Variants in SPIDR observed in about 807,000 individuals in gnomAD.
SPIDR encodes the protein DNA repair-scaffolding protein.
Under a neutral mutation model 104.6 loss-of-function variants are expected in SPIDR, and 93 were observed. That is an observed-to-expected ratio of 0.89 (90% CI 0.75 to 1.06). SPIDR has a LOEUF of 1.06. Ranked by LOEUF, SPIDR falls within the 50% of genes least tolerant of loss-of-function variation. SPIDR has a pLI of 0.00. For synonymous variants in SPIDR, 431 were observed against 416.9 expected (o/e 1.03, Z -0.41); for missense variants, 1,154 against 1,111.2 (o/e 1.04, Z -0.55).
intron 7 of SPIDR, among the ~76,000 whole-genome samples, chr8:47,418,920 T>G (rs1588454310): frequency 1.3e-5 from 2 of 152,212 alleles, no homozygotes; most frequent in African/African-American, 4.8e-5. Context: ...TGGGTTACGT[T>G]TATTGATTTG....
chr8:47,465,698 T>G (rs2074650296), intron 8 of SPIDR, among the ~76,000 whole-genome samples: 1 of 152,084 alleles, frequency 6.6e-6, no homozygotes, highest in Admixed American at 6.6e-5. Flanking sequence ...ATCACACCAC[T>G]GCACTCCTGC....
Position 47,293,932 on chromosome 8 carries a change from T to A in SPIDR, c.427T>A (p.Phe143Ile). Reference sequence around the variant, plus strand: ...GGCAGAGGCTAGTGACTGTGATGAATTTGAAGATGACGAGGGTGCTGTGGA... The same window carrying A: ...GGCAGAGGCTAGTGACTGTGATGAAATTGAAGATGACGAGGGTGCTGTGGA... The part of the protein sequence containing the change: ...DRAEASDCDE[F>I]EDDEGAVEIS... Residue 143 changes from phenylalanine (F) to isoleucine (I), a missense_variant, in exon 5 of 20, where the codon TTT becomes ATT. Transcript: ENST00000297423. 6.2e-7 allele frequency: 1 copy of A among 1,614,122 alleles called. No individual in the cohort carries two copies. Among genetic ancestry groups the A allele is most frequent in the Non-Finnish European group, 8.5e-7 (1 of 1,180,020 alleles).
At chr8:47,613,172 A>G (rs561547895) in intron 10 of SPIDR, among the ~76,000 whole-genome samples, 24 of 152,108 alleles carry the variant, frequency 1.6e-4, no homozygotes, top group African/African-American at 5.6e-4. Flanking sequence ...TCCCCAGCCC[A>G]TTGCAACCAC....
At chr8:47,704,783 T>C (rs1295652553) in intron 14 of SPIDR, among the ~76,000 whole-genome samples, 1 of 152,194 alleles carries the variant, frequency 6.6e-6, no homozygotes, top group Non-Finnish European at 1.5e-5. Flanking sequence ...CCCTCAGTGG[T>C]GCTCCCTGTG....
chr8:47,319,121 A>C (rs938106380), intron 5 of SPIDR, among the ~76,000 whole-genome samples: 1 of 152,196 alleles, frequency 6.6e-6, no homozygotes, highest in Admixed American at 6.5e-5. Flanking sequence ...AAATGGGCTA[A>C]ATGCTCCAAT....
chr8:47,726,049 T>C (rs2084186607), intron 16 of SPIDR, among the ~76,000 whole-genome samples: 1 of 152,244 alleles, frequency 6.6e-6, no homozygotes, highest in Non-Finnish European at 1.5e-5. Context: ...ATGCCCCGGC[T>C]CCTTTCTCCA....
intron 16 of SPIDR, among the ~76,000 whole-genome samples, chr8:47,719,958 T>C (rs960272893): frequency 2.0e-5 from 3 of 152,242 alleles, no homozygotes; most frequent in Non-Finnish European, 2.9e-5. Flanking sequence ...CCGTTACCAT[T>C]AGTGTATCAT....
intron 5 of SPIDR, among the ~76,000 whole-genome samples, chr8:47,387,847 A>G (rs2060135242): frequency 6.6e-6 from 1 of 152,192 alleles, no homozygotes; most frequent in African/African-American, 2.4e-5. Flanking sequence ...GCCTACTTGG[A>G]AATCTTCAAA....
At chr8:47,547,590 G>A (rs1420164681) in intron 8 of SPIDR, among the ~76,000 whole-genome samples, 3 of 151,260 alleles carry the variant, frequency 2.0e-5, no homozygotes, top group Non-Finnish European at 4.4e-5. Flanking sequence ...CCACCACCAC[G>A]CCCAGCTAAT....
At chr8:47,313,142 G>A (rs1322988052) in intron 5 of SPIDR, among the ~76,000 whole-genome samples, 1 of 152,188 alleles carries the variant, frequency 6.6e-6, no homozygotes, top group African/African-American at 2.4e-5. Flanking sequence ...CAGATGACAT[G>A]ATTGCATATC....
At chr8:47,689,511 A>C (rs745860577) in intron 11 of SPIDR, among the ~76,000 whole-genome samples, 3 of 152,240 alleles carry the variant, frequency 2.0e-5, no homozygotes, top group Non-Finnish European at 2.9e-5. Flanking sequence ...CTCATCAGGA[A>C]TAAAGATTTT....
In SPIDR at chr8:47,330,440, A is replaced by G. The variant is rs1292768023; in HGVS notation, c.525+36410A>G. ...ATTCTGTGAGTTTGAACAAATGTAT[A>G]AAAATATATGTCTACCATTATGTCA... On this transcript the variant is annotated intron_variant, in intron 5 of 19. Coordinates refer to ENST00000297423, the MANE Select transcript of SPIDR (RefSeq NM_001080394.4). Among the ~76,000 whole-genome samples, 85 of 152,214 alleles carry G rather than the reference A, an allele frequency of 5.6e-4. 1 individual carries two copies. The highest frequency in any genetic ancestry group is 4.4e-5 in the Non-Finnish European group (3 of 68,038).
At chr8:47,317,752 C>A (rs1421253085) in intron 5 of SPIDR, among the ~76,000 whole-genome samples, 3 of 152,178 alleles carry the variant, frequency 2.0e-5, no homozygotes, top group Non-Finnish European at 4.4e-5. Flanking sequence ...GACAAAACTT[C>A]CAGAGGAACA....
At chr8:47,670,653 A>G in intron 10 of SPIDR, among the ~76,000 whole-genome samples, 1 of 152,018 alleles carries the variant, frequency 6.6e-6, no homozygotes, top group Non-Finnish European at 1.5e-5. Context: ...CATACACTAT[A>G]CTTAAGTTAA....
At chr8:47,689,957 A>AG (rs2078394668) in intron 11 of SPIDR, among the ~76,000 whole-genome samples, 1 of 152,182 alleles carries the variant, frequency 6.6e-6, no homozygotes, top group East Asian at 1.9e-4. Flanking sequence ...ACATTATATG[A>AG]GGGGAGGCTA....
chr8:47,339,827 C>A (rs2050403022), intron 5 of SPIDR, among the ~76,000 whole-genome samples: 1 of 151,630 alleles, frequency 6.6e-6, no homozygotes, highest in Non-Finnish European at 1.5e-5. Context: ...TTATAGGCAC[C>A]CACCACCACA....
intron 8 of SPIDR, among the ~76,000 whole-genome samples, chr8:47,563,833 A>T (rs1010546732): frequency 2.0e-5 from 3 of 152,186 alleles, no homozygotes; most frequent in Non-Finnish European, 2.9e-5. Flanking sequence ...ATTAATACCT[A>T]TGAATAATTT....
chr8:47,341,760 G>A (rs543724770), intron 5 of SPIDR, among the ~76,000 whole-genome samples: 26 of 152,170 alleles, frequency 1.7e-4, no homozygotes, highest in Non-Finnish European at 3.7e-4. Context: ...ATTCCTGTGT[G>A]CATCCAGGAG....
At chr8:47,581,046 A>G (rs537562422) in intron 8 of SPIDR, among the ~76,000 whole-genome samples, 77 of 152,306 alleles carry the variant, frequency 5.1e-4, no homozygotes, top group Non-Finnish European at 9.8e-4. Context: ...TTTTCCAGGC[A>G]CTGGTGAGCC....
Sources: allele counts gnomAD v4.1 joint callset (sites outside exome capture counted in the v4.1 genomes callset), GRCh38; gene constraint gnomAD v4.1.1; transcripts MANE v1.5; gene names NCBI Gene and HGNC (gene_info 2026-07-23, HGNC 2026-07-21).